The following MROH7 variants were observed in gnomAD, a reference collection of about 807,000 sequenced individuals.
The protein encoded by MROH7 is maestro heat like repeat family member 7.
Under a neutral mutation model 129.2 loss-of-function variants are expected in MROH7, and 113 were observed. That is an observed-to-expected ratio of 0.87 (90% CI 0.75 to 1.02). The LOEUF is 1.02. MROH7 is among the 50% of genes least tolerant of loss of function. MROH7 has a pLI of 0.00. For missense variants in MROH7, 1,601 were observed against 1,671.3 expected (o/e 0.96, Z 0.73); for synonymous variants, 655 against 667.9 (o/e 0.98, Z 0.30).
chr1:54,700,184 C>A lies in MROH7; in HGVS notation c.2965-137C>A, dbSNP rs774025766. 26 of 1,092,268 alleles carry A rather than the reference C, an allele frequency of 2.4e-5. No individual in the cohort carries two copies. In the East Asian group the frequency reaches 3.3e-4, roughly 14 times the overall value. 67.7% of individuals were successfully genotyped at this position (1,092,268 alleles called of 1,614,324 possible). ...ATGGACATCAGACGGAGACTTCCAG[C>A]AATCTGTTGGTTTTGCAAGTCTGAA... On this transcript the variant is annotated intron_variant, in intron 17 of 23. Transcript: ENST00000421030.
chr1:54,689,392 T>C (rs1293746020), intron 15 of MROH7, among the ~76,000 whole-genome samples: 1 of 152,146 alleles, frequency 6.6e-6, no homozygotes, highest in South Asian at 2.1e-4. Flanking sequence ...CCTCTAGAAC[T>C]GCGAAAAAAT....
chr1:54,700,023 G>C (rs529577777), intron 17 of MROH7: 20 of 637,798 alleles, frequency 3.1e-5, no homozygotes, highest in African/African-American at 2.4e-4. Context: ...TGGCTGGCTG[G>C]TGGTGAGGGT....
At chr1:54,686,184 G>A in intron 14 of MROH7, 74 bp from the exon 15 acceptor site, 1 of 1,372,692 alleles carries the variant, frequency 7.3e-7, no homozygotes, top group South Asian at 1.4e-5. Flanking sequence ...TCCCAGAGAG[G>A]CAGTCCAGGC....
intron 15 of MROH7, among the ~76,000 whole-genome samples, chr1:54,687,321 C>T (rs1335072854): frequency 1.3e-5 from 2 of 152,208 alleles, no homozygotes; most frequent in African/African-American, 4.8e-5. Flanking sequence ...GCGATCCACC[C>T]GCCTCAGCCT....
chr1:54,673,623 G>T (rs1198791080), intron 8 of MROH7, 78 bp from the exon 9 acceptor site: 6 of 1,077,494 alleles, frequency 5.6e-6, no homozygotes, highest in Non-Finnish European at 8.6e-6. Flanking sequence ...CTGCTGATGG[G>T]TGAAGGCTGG....
intron 8 of MROH7, 60 bp downstream of exon 8, chr1:54,673,246 T>G (rs1644929969): frequency 1.5e-6 from 2 of 1,352,470 alleles, no homozygotes; most frequent in Non-Finnish European, 1.0e-6. Context: ...AGAGAGAAAT[T>G]GGTGCAGGAG....
chr1:54,700,153 G>GTGC (rs1265175189), intron 17 of MROH7, 168 bp from the exon 18 acceptor site: 8 of 851,980 alleles, frequency 9.4e-6, no homozygotes, highest in African/African-American at 1.7e-5. Context: ...TTGCCACATG[G>GTGC]TGCTGATGGA....
intron 6 of MROH7, 71 bp from the exon 7 acceptor site, chr1:54,670,729 A>G (rs1644886579): frequency 3.3e-6 from 5 of 1,504,440 alleles, no homozygotes; most frequent in Admixed American, 2.0e-5. Flanking sequence ...TGTGCTCCTC[A>G]GCTCAGCCCC....
Position 54,647,904 on chromosome 1 carries a change from CAAAAAAA to C in MROH7, c.-109-4028_-109-4022del, listed in dbSNP as rs35151019. Among the ~76,000 whole-genome samples, 281 of 87,110 alleles carry C rather than the reference CAAAAAAA, an allele frequency of 3.2e-3. 3 individuals are homozygous for C. The highest frequency in any genetic ancestry group is 0.011 in the African/African-American group (247 of 21,686). The allele number at this position is 87,110 out of a possible 152,430, so 57.1% of individuals were successfully genotyped here. ...TGTGTGACAGAGTGAGACTCCATCT[CAAAAAAA>C]AAAAAAAAAAAAAAAAGAATGTGGG... On this transcript the variant is annotated intron_variant, in intron 1 of 23. Transcript: ENST00000421030.
At chr1:54,655,760 T>A (rs1021086908) in intron 3 of MROH7, among the ~76,000 whole-genome samples, 13 of 152,148 alleles carry the variant, frequency 8.5e-5, no homozygotes, top group Admixed American at 2.6e-4. Context: ...CTGCATTTTT[T>A]AAAGAATGTT....
rs764022496 is a variant in MROH7, at chr1:54,679,351, G to A, written c.2138G>A (p.Gly713Glu). Residue 713 changes from glycine to glutamate, a missense_variant, in exon 12 of 24, where the codon GGG (glycine) becomes GAG (glutamate). Transcript: ENST00000421030. ...CTGAAAGGCAGCTCAGAGGCTCCAG[G>A]GAAGGACTCCAGGGAGATGATGCAG... ...EGLKGSSEAP[G>E]KDSREMMQLA... 4 of 1,614,150 alleles carry A rather than the reference G, an allele frequency of 2.5e-6. No homozygotes were observed. The highest frequency in any genetic ancestry group is 2.2e-5 in the East Asian group (1 of 44,874).
chr1:54,671,297 G>A (rs908572428), intron 7 of MROH7, among the ~76,000 whole-genome samples: 16 of 152,216 alleles, frequency 1.1e-4, no homozygotes, highest in African/African-American at 2.9e-4. Flanking sequence ...CAACTCAGGA[G>A]GCTGAGGCAT....
At position 54,709,927 on chromosome 1, in the gene MROH7, T is replaced by C; in HGVS notation, c.3731-19T>C. 1 of 1,604,536 alleles carries C rather than the reference T, an allele frequency of 6.2e-7. No homozygotes were observed. Among genetic ancestry groups the C allele is most frequent in the Non-Finnish European group, 8.5e-7 (1 of 1,172,062 alleles). The stretch of plus-strand genomic sequence containing the variant: ...GCCCTGGGTCTTAATAGGAGGCTTC[T>C]CCCTTCCCCATGACGCAGCTCTGGA... On this transcript the variant is annotated intron_variant, in intron 23 of 23. Coordinates refer to ENST00000421030, the MANE Select transcript of MROH7 (RefSeq NM_001039464.4).
At chr1:54,692,621 T>G in intron 16 of MROH7, 60 bp downstream of exon 16, 1 of 1,552,348 alleles carries the variant, frequency 6.4e-7, no homozygotes, top group Non-Finnish European at 8.7e-7. Flanking sequence ...GACCTCAGGA[T>G]CTTCAGACGG....
At chr1:54,686,469 T>C (rs1464926642) in intron 15 of MROH7, 21 bp downstream of exon 15, 2 of 1,606,110 alleles carry the variant, frequency 1.2e-6, no homozygotes, top group African/African-American at 2.7e-5. Context: ...CCCTCTCTCT[T>C]GACCCTGCTG....
intron 5 of MROH7, among the ~76,000 whole-genome samples, 192 bp from the exon 6 acceptor site, chr1:54,670,305 C>T (rs1436838835): frequency 6.6e-6 from 1 of 152,114 alleles, no homozygotes; most frequent in Non-Finnish European, 1.5e-5. Context: ...TCTGCCTCTA[C>T]AAAAAATAAA....
In MROH7 at chr1:54,709,845, A is replaced by C; in HGVS notation, c.3731-101A>C. 9 of 1,386,914 alleles carry C rather than the reference A, an allele frequency of 6.5e-6. No individual in the cohort carries two copies. The South Asian group carries it at 9.3e-5, about 14-fold the overall frequency. The allele number at this position is 1,386,914 out of a possible 1,614,324, so 85.9% of individuals were successfully genotyped here. A position where few individuals can be genotyped will look rare whatever the true frequency, so the allele number is the denominator to read the frequency against. On this transcript the variant is annotated intron_variant, in intron 23 of 23. Transcript: ENST00000421030. The stretch of plus-strand genomic sequence containing the variant: ...AGTGAGATGAGGGGATGCCAAGCAG[A>C]GGGTGCCTAAGCCAAGGCATGGAGA...
intron 3 of MROH7, among the ~76,000 whole-genome samples, chr1:54,657,822 G>A (rs185189561): frequency 2.0e-5 from 3 of 151,908 alleles, no homozygotes; most frequent in East Asian, 1.9e-4. Context: ...CACTATGCCC[G>A]GCTTATTTTG....
chr1:54,700,558 G>A (rs1645419187), intron 18 of MROH7, 97 bp downstream of exon 18: 6 of 1,188,904 alleles, frequency 5.0e-6, no homozygotes, highest in South Asian at 4.8e-5. Flanking sequence ...CCCACAGCTG[G>A]AATGAGACAT....
Sources: allele counts gnomAD v4.1 joint callset (sites outside exome capture counted in the v4.1 genomes callset), GRCh38; gene constraint gnomAD v4.1.1; transcripts MANE v1.5; gene names NCBI Gene and HGNC (gene_info 2026-07-23, HGNC 2026-07-21).